Variants in TMC6 observed in about 807,000 individuals in gnomAD.
TMC6 encodes the protein transmembrane channel-like protein 6.
TMC6 carries 71 observed loss-of-function variants against 95.4 expected under a neutral mutation model. The ratio of observed to expected loss-of-function variants is 0.74; its 90% CI spans 0.61 to 0.91. The LOEUF is 0.91. TMC6 is among the 40% of genes least tolerant of loss of function. TMC6 has a pLI of 0.00. For missense variants in TMC6, 1,074 were observed against 1,079.1 expected, an observed-to-expected ratio of 1.00 and a Z score of 0.07; for synonymous variants, 514 against 483.1, an observed-to-expected ratio of 1.06 and a Z score of -0.84.
intron 5 of TMC6, 31 bp downstream of exon 5, chr17:78,125,695 G>A (rs371029855): frequency 1.3e-5 from 20 of 1,553,574 alleles, no homozygotes; most frequent in South Asian, 8.3e-5. Context: ...GCCGGTGTCC[G>A]CCACTGGGGC....
In TMC6 at chr17:78,117,599, G is replaced by A. The variant is rs149532820; in HGVS notation, c.2067C>T (p.Thr689=). 97 of 1,582,562 alleles carry A rather than the reference G, an allele frequency of 6.1e-5. 1 individual carries two copies. The East Asian group carries it at 2.0e-3, about 32-fold the overall frequency. The change falls in exon 17 of 20, where the codon ACC becomes ACT. Residue 689 remains threonine (T), a synonymous_variant. Transcript: ENST00000590602. The stretch of plus-strand genomic sequence containing the variant: ...CCCACACCCTGCCGGCCTCGTACAT[G>A]GTGTCCAGGGTCCGGAAGGGGCCGC... ...STCGPFRTLD[T]MYEAGRVWVR...
Position 78,109,644 on chromosome 17 carries a change from C to G in TMC6, c.*3504G>C. On this transcript the variant is annotated 3_prime_UTR_variant, in exon 20 of 20. Coordinates refer to ENST00000590602, the MANE Select transcript of TMC6 (RefSeq NM_001127198.5). ...ACCCCATCTCAAAAAAGCAGAAGCACATTTCCGAAGCCCCCCAAGCCCACG... is the reference window on the plus strand; with the variant it reads ...ACCCCATCTCAAAAAAGCAGAAGCAGATTTCCGAAGCCCCCCAAGCCCACG... 1 of 437,752 alleles carries G rather than the reference C, an allele frequency of 2.3e-6. No individual in the cohort carries two copies. The highest frequency in any genetic ancestry group is 1.6e-5 in the South Asian group (1 of 60,752). 27.1% of individuals were successfully genotyped at this position (437,752 alleles called of 1,614,324 possible).
intron 13 of TMC6, 185 bp downstream of exon 13, chr17:78,120,468 C>T: frequency 1.1e-6 from 1 of 940,284 alleles, no homozygotes; most frequent in Non-Finnish European, 1.7e-6. Context: ...CCATACACAT[C>T]ACTTTGAAAC....
At position 78,121,603 on chromosome 17, in the gene TMC6, G is replaced by GC; in HGVS notation, c.1335dup (p.Leu446AlafsTer55). ...ACGTGGACGGCCACGGCGCAGCCCAGCGCGGTCCCCAGACACAGCAGCCAC... is the reference window on the plus strand; with the variant it reads ...ACGTGGACGGCCACGGCGCAGCCCAGCCGCGGTCCCCAGACACAGCAGCCAC... On this transcript the variant is annotated frameshift_variant, in exon 11 of 20. Coordinates refer to ENST00000590602, the MANE Select transcript of TMC6 (RefSeq NM_001127198.5). LOFTEE classifies it high-confidence loss of function. The surrounding 1 kb of genome is among the most constrained non-coding windows in gnomAD (Gnocchi z 5.6). The GC allele has an allele frequency of 6.2e-7, 1 of 1,611,450 alleles. No homozygotes were observed. Among genetic ancestry groups the GC allele is most frequent in the East Asian group, 2.2e-5 (1 of 44,840 alleles).
intron 13 of TMC6, chr17:78,120,152 CTTTTTTTTTTTT>C (rs35789255): frequency 1.2e-4 from 18 of 151,488 alleles, no homozygotes; most frequent in Non-Finnish European, 2.0e-4. Context: ...ATACACGTTA[CTTTTTTTTTTTT>C]TTTTTTTTTT....
rs959323007 is a variant in TMC6, at chr17:78,112,475, AG to A, written c.*672del. ...CAGCCAGCTGCTGGCAGCCAGAAGC[AG>A]GGGGCCAGCCCCACCTCACCAAGCC... On this transcript the variant is annotated 3_prime_UTR_variant, in exon 20 of 20. Transcript: ENST00000590602. 3 of 161,982 alleles carry A rather than the reference AG, an allele frequency of 1.9e-5. No individual in the cohort carries two copies. The Admixed American group carries it at 1.9e-4, about 10-fold the overall frequency. 10.0% of individuals were successfully genotyped at this position (161,982 alleles called of 1,614,324 possible). A position where few individuals can be genotyped will look rare whatever the true frequency, so the allele number is the denominator to read the frequency against.
chr17:78,110,464 T>G lies in TMC6; in HGVS notation c.*2684A>C, dbSNP rs1340377883. The G allele has an allele frequency of 2.0e-5, 3 of 152,220 alleles. No homozygotes were observed. Among genetic ancestry groups the G allele is most frequent in the African/African-American group, 7.2e-5 (3 of 41,518 alleles). The allele number at this position is 152,220 out of a possible 1,614,324, so 9.4% of individuals were successfully genotyped here. A position where few individuals can be genotyped will look rare whatever the true frequency, so the allele number is the denominator to read the frequency against. On this transcript the variant is annotated 3_prime_UTR_variant, in exon 20 of 20. Coordinates refer to ENST00000590602, the MANE Select transcript of TMC6 (RefSeq NM_001127198.5). ...ACTCCAGCCTGGGCAAGAGCAAGAC[T>G]CTGAAAAAGCAAATAAACCGAAACT...
At chr17:78,123,909 G>A (rs1289494989) in intron 9 of TMC6, 80 bp downstream of exon 9, 3 of 1,557,214 alleles carry the variant, frequency 1.9e-6, no homozygotes, top group Admixed American at 1.7e-5. Context: ...AAGGAAGAGG[G>A]AAGAATCAAT....
intron 16 of TMC6, 35 bp downstream of exon 16, chr17:78,117,767 A>T (rs551081803): frequency 1.3e-6 from 2 of 1,595,484 alleles, no homozygotes; most frequent in South Asian, 1.1e-5. Flanking sequence ...CCCCCAGATG[A>T]CACAGAAGGG....
At chr17:78,115,387 A>G (rs930051447) in intron 18 of TMC6, among the ~76,000 whole-genome samples, 4 of 152,016 alleles carry the variant, frequency 2.6e-5, no homozygotes, top group African/African-American at 4.8e-5. Flanking sequence ...CAGAGTGAAA[A>G]CCTGCAGGAG....
chr17:78,123,844 G>T, intron 9 of TMC6, 145 bp downstream of exon 9: 2 of 1,102,224 alleles, frequency 1.8e-6, no homozygotes, highest in Non-Finnish European at 2.7e-6. Context: ...TGGGTAAGTG[G>T]ATAGTTGGAT....
chr17:78,125,392 C>T, intron 5 of TMC6, 129 bp from the exon 6 acceptor site: 1 of 861,448 alleles, frequency 1.2e-6, no homozygotes, highest in Non-Finnish European at 1.9e-6. Context: ...CTTATTTGAG[C>T]TTCAGTCGCC....
intron 9 of TMC6, among the ~76,000 whole-genome samples, chr17:78,123,328 T>C (rs569483134): frequency 6.6e-6 from 1 of 152,208 alleles, no homozygotes; most frequent in Admixed American, 6.5e-5. Context: ...GTGGAATACG[T>C]AGATGCATGG....
At position 78,113,822 on chromosome 17, in the gene TMC6, G is replaced by T; in HGVS notation, c.2278-198C>A. On this transcript the variant is annotated intron_variant, in intron 18 of 19. Coordinates refer to ENST00000590602, the MANE Select transcript of TMC6 (RefSeq NM_001127198.5). Reference sequence around the variant, plus strand: ...AGAGCCAGGAAGTGGGCGTATGTGTGGATCTAAGCTTCCTAGTGGCCAAAG... The same window carrying T: ...AGAGCCAGGAAGTGGGCGTATGTGTTGATCTAAGCTTCCTAGTGGCCAAAG... 6.5e-6 allele frequency: 4 copies of T among 618,732 alleles called. No homozygotes were observed. In the East Asian group the frequency reaches 8.6e-5, roughly 13 times the overall value. 38.3% of individuals were successfully genotyped at this position (618,732 alleles called of 1,614,324 possible). A position where few individuals can be genotyped will look rare whatever the true frequency, so the allele number is the denominator to read the frequency against.
chr17:78,110,233 GTGT>G lies in TMC6; in HGVS notation c.*2912_*2914del, dbSNP rs2073798960. 1 of 152,108 alleles carries G rather than the reference GTGT, an allele frequency of 6.6e-6. No individual in the cohort carries two copies. Among genetic ancestry groups the G allele is most frequent in the African/African-American group, 2.4e-5 (1 of 41,330 alleles). 9.4% of individuals were successfully genotyped at this position (152,108 alleles called of 1,614,324 possible). ...GATTCAAAACACCTGGGCTCGGCAGGTGTTGTGGTTCATGTCTGTAATCCCAGC... is the reference window on the plus strand; with the variant it reads ...GATTCAAAACACCTGGGCTCGGCAGGTGTGGTTCATGTCTGTAATCCCAGC... On this transcript the variant is annotated 3_prime_UTR_variant, in exon 20 of 20. Coordinates refer to ENST00000590602, the MANE Select transcript of TMC6 (RefSeq NM_001127198.5).
At chr17:78,113,334 T>C in intron 19 of TMC6, 123 bp from the exon 20 acceptor site, 1 of 1,278,984 alleles carries the variant, frequency 7.8e-7, no homozygotes, top group African/African-American at 1.5e-5. Context: ...TCCTGAGATG[T>C]ATTTTAGGTC....
Position 78,124,648 on chromosome 17 carries a change from A to T in TMC6, c.767T>A (p.Leu256Gln). The T allele has an allele frequency of 1.2e-6, 2 of 1,611,972 alleles. No homozygotes were observed. The highest frequency in any genetic ancestry group is 1.7e-6 in the Non-Finnish European group (2 of 1,179,552). Residue 256 changes from leucine to glutamine, a missense_variant, in exon 8 of 20, where the codon CTG becomes CAG. Transcript: ENST00000590602. ...CAGCAGCAGGAGGGCATTGAAAGCCAGCAGGGTCTTGAGAAAGAGGAAGTA... is the reference window on the plus strand; with the variant it reads ...CAGCAGCAGGAGGGCATTGAAAGCCTGCAGGGTCTTGAGAAAGAGGAAGTA... ...LSYFLFLKTL[L>Q]AFNALLLLLL...
intron 8 of TMC6, 102 bp downstream of exon 8, chr17:78,124,422 C>A: frequency 6.4e-7 from 1 of 1,561,922 alleles, no homozygotes. Flanking sequence ...CACAGCGGGG[C>A]AAGGGTTGGG....
intron 18 of TMC6, chr17:78,113,878 G>A: frequency 2.0e-6 from 1 of 509,340 alleles, no homozygotes; most frequent in Non-Finnish European, 3.6e-6. Flanking sequence ...GCAGCCCAGA[G>A]CCAGCCTGAC....
Sources: gnomAD v4.1 joint callset for allele counts (sites outside exome capture counted in the v4.1 genomes callset) on GRCh38, gnomAD v4.1.1 for gene constraint, Gnocchi (gnomAD v3.1) non-coding constraint, MANE v1.5 for transcripts, NCBI Gene and HGNC (gene_info 2026-07-23, HGNC 2026-07-21) for gene names.